MTR: variants seen among roughly 807,000 people sequenced by gnomAD.
MTR encodes methionine synthase.
Under a neutral mutation model 154.8 loss-of-function variants are expected in MTR, and 84 were observed. The observed-to-expected ratio is 0.54, with a 90% confidence interval of 0.45 to 0.65. The LOEUF is 0.65. Among genes scored for constraint, MTR ranks in the 30% least tolerant of loss-of-function variants. MTR has a pLI of 0.00. For synonymous variants in MTR, 554 were observed against 553.9 expected, an observed-to-expected ratio of 1.00 and a Z score of 0.00; for missense variants, 1,275 against 1,570.2, an observed-to-expected ratio of 0.81 and a Z score of 3.18.
upstream of MTR, chr1:236,795,286 G>C: frequency 8.3e-7 from 1 of 1,202,046 alleles, no homozygotes; most frequent in Middle Eastern, 2.3e-4. Context: ...AGGATAGATT[G>C]AGCGCAGAAC....
chr1:236,867,949 TAAC>T (rs1299468542), intron 22 of MTR, among the ~76,000 whole-genome samples: 1 of 152,138 alleles, frequency 6.6e-6, no homozygotes, highest in Non-Finnish European at 1.5e-5. Context: ...AGTGTTGAAA[TAAC>T]AACAGAGGAT....
rs1319791207 is a variant in MTR at position 236,795,350 on chromosome 1, C to G, written c.-354C>G. ...CTGCGGGGCTCAGAGCCGGATGTCA[C>G]GTCGTCCTCCTCTGCCGGTTTTCTC... On this transcript the variant is annotated 5_prime_UTR_variant, in exon 1 of 33. Transcript: ENST00000366577. 4 of 1,333,316 alleles carry G rather than the reference C, an allele frequency of 3.0e-6. No homozygotes were observed. The highest frequency in any genetic ancestry group is 2.5e-5 in the South Asian group (2 of 79,212). 82.6% of individuals were successfully genotyped at this position (1,333,316 alleles called of 1,614,324 possible).
intron 2 of MTR, among the ~76,000 whole-genome samples, chr1:236,804,603 A>G (rs1181960052): frequency 6.6e-6 from 1 of 152,194 alleles, no homozygotes; most frequent in Non-Finnish European, 1.5e-5. Context: ...TTATTTAACT[A>G]ATCTCCTTAT....
At chr1:236,817,693 T>C (rs1232866472) in intron 8 of MTR, among the ~76,000 whole-genome samples, 1 of 152,230 alleles carries the variant, frequency 6.6e-6, no homozygotes, top group Admixed American at 6.5e-5. Context: ...TCACATTTTA[T>C]CAATTATGTG....
At chr1:236,837,315 A>G (rs1662964178) in intron 14 of MTR, among the ~76,000 whole-genome samples, 1 of 152,086 alleles carries the variant, frequency 6.6e-6, no homozygotes, top group South Asian at 2.1e-4. Context: ...GAAATTGCTG[A>G]CTACTCATTC....
At chr1:236,798,182 T>C (rs1660508316) in intron 1 of MTR, among the ~76,000 whole-genome samples, 1 of 152,244 alleles carries the variant, frequency 6.6e-6, no homozygotes, top group Non-Finnish European at 1.5e-5. Flanking sequence ...TTTTGCTGTA[T>C]GTGTTCCCCA....
chr1:236,824,714 A>G (rs1416974613), intron 9 of MTR, among the ~76,000 whole-genome samples: 1 of 152,238 alleles, frequency 6.6e-6, no homozygotes, highest in African/African-American at 2.4e-5. Context: ...GGTTAACCAG[A>G]TATCCCTGTG....
intron 22 of MTR, among the ~76,000 whole-genome samples, chr1:236,864,912 G>A (rs761177758): frequency 6.6e-6 from 1 of 152,206 alleles, no homozygotes; most frequent in Non-Finnish European, 1.5e-5. Flanking sequence ...TACATGTTCA[G>A]CCTTAATGGG....
At chr1:236,895,052 C>CT in intron 30 of MTR, 2 of 428,590 alleles carry the variant, frequency 4.7e-6, no homozygotes, top group Admixed American at 7.1e-5. Context: ...CCCAGCTGCT[C>CT]TTTCTGGCCC....
At chr1:236,812,610 T>A in intron 5 of MTR, 128 bp from the exon 6 acceptor site, 1 of 783,426 alleles carries the variant, frequency 1.3e-6, no homozygotes, top group Non-Finnish European at 2.3e-6. Context: ...TTACAAAAGA[T>A]CATGTTCTTA....
intron 31 of MTR, 112 bp from the exon 32 acceptor site, chr1:236,896,894 T>C: frequency 1.2e-6 from 1 of 809,168 alleles, no homozygotes. Context: ...CTAGAAGGCA[T>C]GAGCTCGCTT....
rs374527196 is a variant in MTR, at chr1:236,891,262, T to A, written c.3137T>A (p.Leu1046Gln). The change falls in exon 29 of 33, where the codon CTG becomes CAG. Residue 1046 changes from leucine to glutamine, a missense_variant. Transcript: ENST00000366577. The stretch of plus-strand genomic sequence containing the variant: ...CAGAGTATCCAAGACGACATTCACC[T>A]GTACGCAGAGGCTGCTGTGCCCCAG... ...PAQSIQDDIH[L>Q]YAEAAVPQAA... The A allele has an allele frequency of 1.2e-6, 2 of 1,614,046 alleles. No individual in the cohort carries two copies. Among genetic ancestry groups the A allele is most frequent in the African/African-American group, 1.3e-5 (1 of 74,924 alleles).
At position 236,841,571 on chromosome 1, in the gene MTR, C is replaced by T. The variant is rs114900991; in HGVS notation, c.1515+2972C>T. Among the ~76,000 whole-genome samples, 301 of 152,218 alleles carry T rather than the reference C, an allele frequency of 2.0e-3. 1 individual carries two copies. Among genetic ancestry groups the T allele is most frequent in the African/African-American group, 5.7e-3 (237 of 41,536 alleles). On this transcript the variant is annotated intron_variant, in intron 15 of 32. Coordinates refer to ENST00000366577, the MANE Select transcript of MTR (RefSeq NM_000254.3). ...TGCACAGCTGTGACTGCTAGCTGTC[C>T]CTTACCTTCCTCCTGGGGTTCCATT...
chr1:236,804,718 T>C (rs1312497313), intron 2 of MTR, among the ~76,000 whole-genome samples: 4 of 152,242 alleles, frequency 2.6e-5, no homozygotes, highest in Non-Finnish European at 5.9e-5. Context: ...CATTTGACCA[T>C]ACTCTAAATT....
chr1:236,894,497 G>T lies in MTR; in HGVS notation c.3345G>T (p.Glu1115Asp), dbSNP rs772943921. 6.2e-7 allele frequency: 1 copy of T among 1,614,132 alleles called. No individual in the cohort carries two copies. The highest frequency in any genetic ancestry group is 8.5e-7 in the Non-Finnish European group (1 of 1,180,042). ...TAGAAGAGCTGAGCAAGGCCTATGA[G>T]GATGATGGTGACGACTACAGCAGCA... ...FGVEELSKAY[E>D]DDGDDYSSIM... Residue 1115 changes from glutamate (E) to aspartate (D), a missense_variant, in exon 30 of 33, where the codon GAG becomes GAT. By Grantham distance (45) the Glu-to-Asp change is conservative. Transcript: ENST00000366577.
intron 18 of MTR, 108 bp downstream of exon 18, chr1:236,853,196 A>G: frequency 3.0e-6 from 4 of 1,316,314 alleles, no homozygotes; most frequent in East Asian, 2.3e-5. Flanking sequence ...ATCGAATCAT[A>G]TATTTGGATC....
Position 236,826,823 on chromosome 1 carries a change from A to G in MTR, c.928-6A>G. ...TTGCTGAAACTTTGTCTCTTCCTAA[A>G]TGCAGGATTTTGCTATGGATGGCTT... On this transcript the variant is annotated splice_region_variant and splice_polypyrimidine_tract_variant and intron_variant, in intron 10 of 32. Coordinates refer to ENST00000366577, the MANE Select transcript of MTR (RefSeq NM_000254.3). The G allele has an allele frequency of 6.2e-7, 1 of 1,613,986 alleles. No homozygotes were observed. The highest frequency in any genetic ancestry group is 8.5e-7 in the Non-Finnish European group (1 of 1,179,864).
chr1:236,824,304 G>C, intron 9 of MTR, 85 bp downstream of exon 9: 1 of 1,182,348 alleles, frequency 8.5e-7, no homozygotes, highest in Non-Finnish European at 1.3e-6. Flanking sequence ...TTGAATAAAA[G>C]ATCTTGTTTT....
Position 236,897,074 on chromosome 1 carries a change from T to A in MTR, c.3667T>A (p.Leu1223Met). Residue 1223 changes from leucine (L) to methionine (M), a missense_variant, in exon 32 of 33, where the codon TTG becomes ATG. Leu to Met is a conservative substitution (Grantham distance 15). Coordinates refer to ENST00000366577, the MANE Select transcript of MTR (RefSeq NM_000254.3). ...SAVSGLYFSN[L>M]KSKYFAVGKI... ...AGTCTCAGGCCTCTACTTCTCCAAT[T>A]TGAAGTCCAAATATTTTGCTGTGGG... 6.2e-7 allele frequency: 1 copy of A among 1,614,084 alleles called. No homozygotes were observed. The highest frequency in any genetic ancestry group is 1.1e-5 in the South Asian group (1 of 91,066).
Sources: allele counts gnomAD v4.1 joint callset (sites outside exome capture counted in the v4.1 genomes callset), GRCh38; gene constraint gnomAD v4.1.1; transcripts MANE v1.5; gene names NCBI Gene and HGNC (gene_info 2026-07-23, HGNC 2026-07-21).